TLN2: variants seen among roughly 807,000 people sequenced by gnomAD.
The protein encoded by TLN2 is talin 2.
A neutral mutation model predicts 294.7 loss-of-function variants in TLN2; 118 were observed. That is an observed-to-expected ratio of 0.40 (90% CI 0.34 to 0.47). The LOEUF (loss-of-function observed/expected upper bound fraction) is 0.47. Among genes scored for constraint, TLN2 ranks in the 20% least tolerant of loss-of-function variants. TLN2 has a pLI of 0.84. For missense variants in TLN2, 3,083 were observed against 3,282.2 expected (o/e 0.94, Z 1.48); for synonymous variants, 1,431 against 1,304.5 (o/e 1.10, Z -2.09).
intron 1 of TLN2, among the ~76,000 whole-genome samples, chr15:62,400,465 T>C (rs2032936027): frequency 6.6e-6 from 1 of 152,272 alleles, no homozygotes; most frequent in Non-Finnish European, 1.5e-5. Context: ...GGGGATTTAA[T>C]GATGTTTTAT....
At position 62,655,925 on chromosome 15, in the gene TLN2, A is replaced by G. The variant is rs201714895; in HGVS notation, c.518-19A>G. On this transcript the variant is annotated intron_variant, in intron 7 of 58. Transcript: ENST00000636159. ...GGAAAAATAAACACAGTTCTCTTAT[A>G]TGTCTTGTTGTGTTGCAGTAAATTG... 3.1e-6 allele frequency: 5 copies of G among 1,613,924 alleles called. No individual in the cohort carries two copies. In the South Asian group the frequency reaches 3.3e-5, roughly 11 times the overall value.
At chr15:62,511,442 CA>C (rs1313091071) in intron 1 of TLN2, among the ~76,000 whole-genome samples, 14 of 152,178 alleles carry the variant, frequency 9.2e-5, no homozygotes, top group Non-Finnish European at 2.1e-4. Context: ...TTGGATTTCA[CA>C]TTCTATCCCA....
intron 1 of TLN2, among the ~76,000 whole-genome samples, chr15:62,423,614 T>C (rs1226856729): frequency 1.3e-5 from 2 of 151,628 alleles, no homozygotes; most frequent in African/African-American, 4.9e-5. Context: ...GGAGTCTTGC[T>C]CTGTTGTCCA....
At chr15:62,818,856 A>G (rs2067323611) in intron 52 of TLN2, among the ~76,000 whole-genome samples, 1 of 145,280 alleles carries the variant, frequency 6.9e-6, no homozygotes, top group Non-Finnish European at 1.5e-5. Context: ...TTATTTATTT[A>G]TTTATTTATT....
chr15:62,730,193 C>T (rs761525070), intron 28 of TLN2, among the ~76,000 whole-genome samples: 23 of 151,990 alleles, frequency 1.5e-4, no homozygotes, highest in Admixed American at 2.0e-4. Flanking sequence ...AGGTGTGTGC[C>T]ACCACACCCA....
At chr15:62,821,224 C>G (rs2067537808) in intron 54 of TLN2, among the ~76,000 whole-genome samples, 1 of 152,234 alleles carries the variant, frequency 6.6e-6, no homozygotes, top group South Asian at 2.1e-4. Context: ...GGATGACAAG[C>G]TAGTGCTGTC....
In TLN2 at chr15:62,553,757, G is replaced by A. The variant is rs1486821050; in HGVS notation, c.-237-35930G>A. ...AATTTTTGCCTATTATGTGCCCTTAGCATTATGCTTTGTTATTGCATATAA... is the reference window on the plus strand; with the variant it reads ...AATTTTTGCCTATTATGTGCCCTTAACATTATGCTTTGTTATTGCATATAA... On this transcript the variant is annotated intron_variant, in intron 1 of 58. Transcript: ENST00000636159. Among the ~76,000 whole-genome samples, 4 of 152,012 alleles carry A rather than the reference G, an allele frequency of 2.6e-5. No individual in the cohort carries two copies. In the South Asian group the frequency reaches 6.2e-4, roughly 24 times the overall value.
In TLN2 at chr15:62,657,162, G is replaced by A. The variant is rs543878753; in HGVS notation, c.661-609G>A. 7.7e-4 allele frequency among the ~76,000 whole-genome samples: 113 copies of A among 146,392 alleles called. 1 individual carries two copies. Among genetic ancestry groups the A allele is most frequent in the African/African-American group, 2.7e-3 (109 of 40,632 alleles). On this transcript the variant is annotated intron_variant, in intron 8 of 58. Transcript: ENST00000636159. ...GGAAAGGCTGAAAAGGTGGGGGGGG[G>A]AAGCAACAGCAGTGATGGATGGAGA...
At chr15:62,429,193 ACT>A (rs1369702773) in intron 1 of TLN2, among the ~76,000 whole-genome samples, 4 of 151,678 alleles carry the variant, frequency 2.6e-5, no homozygotes, top group Non-Finnish European at 5.9e-5. Flanking sequence ...TTGTGATGGT[ACT>A]GTTTCAGGAA....
At chr15:62,409,428 C>T (rs935942486) in intron 1 of TLN2, among the ~76,000 whole-genome samples, 16 of 152,002 alleles carry the variant, frequency 1.1e-4, no homozygotes, top group African/African-American at 3.4e-4. Context: ...CCATTTTTTT[C>T]TGGCTGTTGC....
rs749930731 is a variant in TLN2, at chr15:62,755,543, C to T, written c.4488C>T (p.Ala1496=). The T allele has an allele frequency of 2.7e-5, 44 of 1,613,990 alleles. No homozygotes were observed. The highest frequency in any genetic ancestry group is 5.3e-5 in the African/African-American group (4 of 74,936). The stretch of plus-strand genomic sequence containing the variant: ...TCCATGCTTTGTAGGTCCTGTCAGC[C>T]GCCACAATTGTTGCCAAGCACACGT... ...PGSSPSQVLS[A]ATIVAKHTSA... The change falls in exon 37 of 59, where the codon GCC becomes GCT. Residue 1496 remains alanine (A), a synonymous_variant. Transcript: ENST00000636159.
chr15:62,775,137 T>C lies in TLN2; in HGVS notation c.5368-1627T>C, dbSNP rs1451251613. Among the ~76,000 whole-genome samples, 4 of 151,970 alleles carry C rather than the reference T, an allele frequency of 2.6e-5. No individual in the cohort carries two copies. The East Asian group carries it at 7.7e-4, about 29-fold the overall frequency. On this transcript the variant is annotated intron_variant, in intron 42 of 58. Transcript: ENST00000636159. ...ACACCTGGCTCATTTTTTGTATTTTTAGTAGAGACGGGGTTTCACTGTGTT... is the reference window on the plus strand; with the variant it reads ...ACACCTGGCTCATTTTTTGTATTTTCAGTAGAGACGGGGTTTCACTGTGTT...
Position 62,707,216 on chromosome 15 carries a change from G to T in TLN2, c.2135G>T (p.Cys712Phe). Reference protein sequence around the residue: ...QNRVIAAATQCALSTSQLVAC... With the variant: ...QNRVIAAATQFALSTSQLVAC... ...AGGGTAATTGCTGCTGCCACCCAGT[G>T]TGCCCTCTCCACCTCCCAGCTTGTG... Residue 712 changes from cysteine (C) to phenylalanine (F), a missense_variant, in exon 20 of 59, where the codon TGT (cysteine) becomes TTT (phenylalanine). By Grantham distance (205) the Cys-to-Phe change is radical (BLOSUM62 -2). Coordinates refer to ENST00000636159, the MANE Select transcript of TLN2 (RefSeq NM_015059.3). The T allele has an allele frequency of 1.2e-6, 2 of 1,613,644 alleles. No homozygotes were observed. Among genetic ancestry groups the T allele is most frequent in the Non-Finnish European group, 1.7e-6 (2 of 1,179,744 alleles).
At chr15:62,408,533 G>A (rs2140249114) in intron 1 of TLN2, among the ~76,000 whole-genome samples, 1 of 152,288 alleles carries the variant, frequency 6.6e-6, no homozygotes, top group Admixed American at 6.5e-5. Context: ...TCTGAATAAT[G>A]AAACTATTTA....
chr15:62,607,819 G>C lies in TLN2; in HGVS notation c.-161-10532G>C, dbSNP rs547551544. Among the ~76,000 whole-genome samples the C allele has an allele frequency of 3.9e-5, 6 of 152,290 alleles. 1 individual carries two copies. The highest frequency in any genetic ancestry group is 1.2e-4 in the African/African-American group (5 of 41,560). On this transcript the variant is annotated intron_variant, in intron 2 of 58. Coordinates refer to ENST00000636159, the MANE Select transcript of TLN2 (RefSeq NM_015059.3). Reference sequence around the variant, plus strand: ...TCTGAGTTCACCATCCACATGCCATGGGGAGTGCACCCACACATTAGTGGA... The same window carrying C: ...TCTGAGTTCACCATCCACATGCCATCGGGAGTGCACCCACACATTAGTGGA...
chr15:62,824,092 G>A (rs761863670), intron 54 of TLN2: 14 of 435,064 alleles, frequency 3.2e-5, no homozygotes, highest in Admixed American at 2.0e-4. Context: ...GAAAGAACAC[G>A]TTAAAATCAC....
In TLN2 at chr15:62,697,976, C is replaced by T. The variant is rs879446428; in HGVS notation, c.1473+108C>T. Reference sequence around the variant, plus strand: ...GAGTGTTGGAACGCTCTCTATTTCCCGGCTGAACCATGCCTCGTTCAGCTG... The same window carrying T: ...GAGTGTTGGAACGCTCTCTATTTCCTGGCTGAACCATGCCTCGTTCAGCTG... On this transcript the variant is annotated intron_variant, in intron 15 of 58. Coordinates refer to ENST00000636159, the MANE Select transcript of TLN2 (RefSeq NM_015059.3). 1.7e-5 allele frequency: 23 copies of T among 1,360,974 alleles called. 1 individual carries two copies. The South Asian group carries it at 1.7e-4, about 10-fold the overall frequency. The allele number at this position is 1,360,974 out of a possible 1,614,324, so 84.3% of individuals were successfully genotyped here.
chr15:62,560,580 C>A (rs1427610876), intron 1 of TLN2, among the ~76,000 whole-genome samples: 1 of 152,226 alleles, frequency 6.6e-6, no homozygotes, highest in Non-Finnish European at 1.5e-5. Flanking sequence ...GCGCGCCTGG[C>A]CTCCCAAAGT....
intron 1 of TLN2, among the ~76,000 whole-genome samples, chr15:62,579,985 C>G (rs889447056): frequency 1.1e-4 from 16 of 152,120 alleles, no homozygotes; most frequent in African/African-American, 3.6e-4. Flanking sequence ...CAAAGGATCT[C>G]TACCTGGCCA....
Sources: allele counts gnomAD v4.1 joint callset (sites outside exome capture counted in the v4.1 genomes callset), GRCh38; gene constraint gnomAD v4.1.1; transcripts MANE v1.5; gene names NCBI Gene and HGNC (gene_info 2026-07-23, HGNC 2026-07-21).